MSH3: variants seen among roughly 807,000 people sequenced by gnomAD.
MSH3 encodes mutS homolog 3, also known as DNA mismatch repair protein Msh3.
In MSH3, 106 loss-of-function variants were observed where a neutral mutation model predicts 123.3. The ratio of observed to expected loss-of-function variants is 0.86; its 90% CI spans 0.73 to 1.01. MSH3 has a LOEUF of 1.01. MSH3 is among the 50% of genes least tolerant of loss of function. The pLI is 0.00. For missense variants in MSH3, 1,459 were observed against 1,347.6 expected, an observed-to-expected ratio of 1.08 and a Z score of -1.29; for synonymous variants, 515 against 481.4, an observed-to-expected ratio of 1.07 and a Z score of -0.91.
chr5:80,838,700 T>A (rs988303234), intron 20 of MSH3, among the ~76,000 whole-genome samples: 4 of 152,024 alleles, frequency 2.6e-5, no homozygotes, highest in Admixed American at 1.3e-4. Flanking sequence ...TTAATCAACC[T>A]CTTCTTTTTA....
intron 8 of MSH3, among the ~76,000 whole-genome samples, chr5:80,698,102 A>G (rs1396992546): frequency 4.0e-5 from 6 of 151,890 alleles, no homozygotes; most frequent in South Asian, 2.1e-4. Flanking sequence ...AGGCCTCTCT[A>G]TGTCTTCTAT....
rs71603568 is a variant in MSH3, at chr5:80,836,543, CAAAAAAAAA to C, written c.2814-17572_2814-17564del. Among the ~76,000 whole-genome samples the C allele has an allele frequency of 1.0e-4, 12 of 118,808 alleles. No homozygotes were observed. In the South Asian group the frequency reaches 1.9e-3, roughly 18 times the overall value. The allele number at this position is 118,808 out of a possible 152,430, so 77.9% of individuals were successfully genotyped here. A position where few individuals can be genotyped will look rare whatever the true frequency, so the allele number is the denominator to read the frequency against. ...TCACATCAGCTCTTTGAATATGCCA[CAAAAAAAAA>C]AAAAAAAAAAAAAAGCTCTGAATTA... is the stretch of plus-strand genomic sequence containing the variant. On this transcript the variant is annotated intron_variant, in intron 20 of 23. Coordinates refer to ENST00000265081, the MANE Select transcript of MSH3 (RefSeq NM_002439.5).
At chr5:80,718,144 T>A (rs1751001397) in intron 8 of MSH3, among the ~76,000 whole-genome samples, 1 of 152,236 alleles carries the variant, frequency 6.6e-6, no homozygotes, top group Non-Finnish European at 1.5e-5. Context: ...GCCTCCTCAC[T>A]GTCATAGCCC....
intron 20 of MSH3, among the ~76,000 whole-genome samples, chr5:80,845,675 T>C (rs989131576): frequency 8.5e-5 from 13 of 152,348 alleles, no homozygotes; most frequent in African/African-American, 3.1e-4. Context: ...TGATATCCTT[T>C]CTTCCACTTG....
At chr5:80,767,892 T>A (rs767911868) in intron 13 of MSH3, 41 bp from the exon 14 acceptor site, 1 of 1,458,586 alleles carries the variant, frequency 6.9e-7, no homozygotes, top group Non-Finnish European at 9.6e-7. Context: ...TTCATTTTCA[T>A]GTATCTTATG....
chr5:80,842,130 C>T (rs557870726), intron 20 of MSH3, among the ~76,000 whole-genome samples: 2 of 152,276 alleles, frequency 1.3e-5, no homozygotes, highest in East Asian at 3.9e-4. Context: ...ATATGGCTAG[C>T]CAGTTTTCCC....
chr5:80,695,661 G>A (rs1483706090), intron 8 of MSH3, among the ~76,000 whole-genome samples: 1 of 151,994 alleles, frequency 6.6e-6, no homozygotes, highest in African/African-American at 2.4e-5. Flanking sequence ...CTTCTATTAC[G>A]TTGCAGAGAA....
In MSH3 at chr5:80,806,859, A is replaced by G. The variant is rs112925316; in HGVS notation, c.2656-6725A>G. ...TGTGAACATATGAATATGTCCCTCC[A>G]TGAAACCAGTAGATACAGTCAGTCC... On this transcript the variant is annotated intron_variant, in intron 19 of 23. Transcript: ENST00000265081. Among the ~76,000 whole-genome samples, 313 of 152,290 alleles carry G rather than the reference A, an allele frequency of 2.1e-3. 2 individuals carry two copies. Among genetic ancestry groups the G allele is most frequent in the African/African-American group, 7.3e-3 (302 of 41,552 alleles).
chr5:80,847,647 A>T (rs1436126279), intron 20 of MSH3, among the ~76,000 whole-genome samples: 1 of 152,078 alleles, frequency 6.6e-6, no homozygotes, highest in Admixed American at 6.6e-5. Flanking sequence ...TTATTATAAA[A>T]TTTTCAGCAG....
chr5:80,823,071 A>G (rs1394717717), intron 20 of MSH3, among the ~76,000 whole-genome samples: 1 of 152,204 alleles, frequency 6.6e-6, no homozygotes, highest in Non-Finnish European at 1.5e-5. Flanking sequence ...TTGTTACAAT[A>G]TGTGAAAAAG....
chr5:80,762,830 G>GTTATGTTATGTTATT (rs1205226469), intron 13 of MSH3, among the ~76,000 whole-genome samples: 165 of 121,006 alleles, frequency 1.4e-3, no homozygotes, highest in African/African-American at 4.7e-3. Context: ...GTTATGTTAT[G>GTTATGTTATGTTATT]TTATTTTATG....
chr5:80,731,763 GCTT>G (rs1260058356), intron 10 of MSH3, among the ~76,000 whole-genome samples: 1 of 152,076 alleles, frequency 6.6e-6, no homozygotes, highest in African/African-American at 2.4e-5. Flanking sequence ...AAATAATGTT[GCTT>G]CTTAAGGTGA....
Position 80,787,626 on chromosome 5 carries a change from T to G in MSH3, c.2497T>G (p.Cys833Gly), listed in dbSNP as rs750604433. The change falls in exon 18 of 24, where the codon TGC becomes GGC. Residue 833 changes from cysteine to glycine, a missense_variant. Physicochemically the swap from Cys to Gly is radical, Grantham distance 159. Transcript: ENST00000265081. ...KAVHHLATVD[C>G]IFSLAKVAKQ... ...AGTGCATCACCTAGCAACTGTTGAC[T>G]GCATTTTCTCCCTGGCCAAGGTCGC... 3.1e-6 allele frequency: 5 copies of G among 1,613,876 alleles called. No homozygotes were observed. In the East Asian group the frequency reaches 8.9e-5, roughly 29 times the overall value.
intron 20 of MSH3, among the ~76,000 whole-genome samples, chr5:80,816,608 C>A (rs765915242): frequency 6.6e-6 from 1 of 152,086 alleles, no homozygotes; most frequent in Admixed American, 6.6e-5. Context: ...GGAGAAAAAA[C>A]CAAGTAGATC....
Position 80,873,231 on chromosome 5 carries a change from T to C in MSH3, c.3246T>C (p.Ile1082=), listed in dbSNP as rs764045075. 10 of 1,613,966 alleles carry C rather than the reference T, an allele frequency of 6.2e-6. No homozygotes were observed. In the Admixed American group the frequency reaches 1.5e-4, roughly 24 times the overall value. The change falls in exon 23 of 24, where the codon ATT becomes ATC. Residue 1082 remains isoleucine, a synonymous_variant. Coordinates refer to ENST00000265081, the MANE Select transcript of MSH3 (RefSeq NM_002439.5). The part of the protein sequence containing the change: ...VAKLADVPGE[I]LKKAAHKSKE... ...AACTAGCAGATGTTCCTGGAGAAAT[T>C]TTGAAGAAAGCAGCTCACAAGTCAA...
Position 80,654,820 on chromosome 5 carries a change from G to A in MSH3, c.93G>A (p.Thr31=), listed in dbSNP as rs1271418564. ...QAVLSRFFQS[T]GSLKSTSSST... ...TTTTGAGCCGATTCTTCCAGTCTAC[G>A]GGAAGCCTGAAATCCACCTCCTCCT... The change falls in exon 1 of 24, where the codon ACG becomes ACA. Residue 31 remains threonine, a synonymous_variant. Coordinates refer to ENST00000265081, the MANE Select transcript of MSH3 (RefSeq NM_002439.5). The A allele has an allele frequency of 1.9e-6, 3 of 1,605,870 alleles. No individual in the cohort carries two copies. Among genetic ancestry groups the A allele is most frequent in the Admixed American group, 1.7e-5 (1 of 59,272 alleles).
rs181444967 is a variant in MSH3, at chr5:80,853,430, A to G, written c.2814-700A>G. Among the ~76,000 whole-genome samples the G allele has an allele frequency of 7.9e-3, 1,195 of 152,078 alleles. 7 individuals carry two copies. The highest frequency in any genetic ancestry group is 0.013 in the Admixed American group (203 of 15,274). ...GCAGAGGTTGTAGTGAGCCGAGAGCATGCCACTGCACTCCAGCCTGGGCAA... is the reference window on the plus strand; with the variant it reads ...GCAGAGGTTGTAGTGAGCCGAGAGCGTGCCACTGCACTCCAGCCTGGGCAA... On this transcript the variant is annotated intron_variant, in intron 20 of 23. Transcript: ENST00000265081.
chr5:80,661,659 A>G (rs1184887150), intron 2 of MSH3, among the ~76,000 whole-genome samples: 1 of 152,162 alleles, frequency 6.6e-6, no homozygotes, highest in Non-Finnish European at 1.5e-5. Flanking sequence ...TGCTAATTGC[A>G]TCATATCTGT....
intron 9 of MSH3, among the ~76,000 whole-genome samples, chr5:80,728,223 T>C (rs931085775): frequency 5.9e-5 from 9 of 152,190 alleles, no homozygotes; most frequent in Admixed American, 4.6e-4. Flanking sequence ...CTCTGGCTGC[T>C]CTGTTAAGAA....
Sources: gnomAD v4.1 joint callset for allele counts (sites outside exome capture counted in the v4.1 genomes callset) on GRCh38, gnomAD v4.1.1 for gene constraint, MANE v1.5 for transcripts, NCBI Gene and HGNC (gene_info 2026-07-23, HGNC 2026-07-21) for gene names.